Variants in SLCO1B3 observed in about 807,000 individuals in gnomAD.
The protein encoded by SLCO1B3 is solute carrier organic anion transporter family member 1B3.
A neutral mutation model predicts 71.8 loss-of-function variants in SLCO1B3; 72 were observed. The observed-to-expected ratio is 1.00, with a 90% CI of 0.83 to 1.22. SLCO1B3 has a LOEUF of 1.22. Ranked by LOEUF, SLCO1B3 falls within the 50% of genes most tolerant of loss-of-function variation. SLCO1B3 has a pLI of 0.00. For synonymous variants in SLCO1B3, 298 were observed against 278.4 expected, an observed-to-expected ratio of 1.07 and a Z score of -0.70; for missense variants, 911 against 819.7, an observed-to-expected ratio of 1.11 and a Z score of -1.36.
chr12:20,854,333 T>C (rs1865088162), intron 3 of SLCO1B3, among the ~76,000 whole-genome samples: 1 of 150,120 alleles, frequency 6.7e-6, no homozygotes, highest in African/African-American at 2.4e-5. Flanking sequence ...ACTGTCCATT[T>C]TTCCTTCAGT....
rs762283520 is a variant in SLCO1B3, at chr12:20,862,495, G to A, written c.565G>A (p.Val189Ile). 1.1e-5 allele frequency: 18 copies of A among 1,612,644 alleles called. 1 individual carries two copies. In the South Asian group the frequency reaches 1.8e-4, roughly 16 times the overall value. The change falls in exon 7 of 16, where the codon GTA (valine) becomes ATA (isoleucine). Residue 189 changes from valine to isoleucine, a missense_variant. Coordinates refer to ENST00000381545, the MANE Select transcript of SLCO1B3 (RefSeq NM_019844.4). ...TCGTGGCATAGGGGAAACCCCCATA[G>A]TACCATTGGGGATTTCATACATTGA... Reference protein sequence around the residue: ...MLRGIGETPIVPLGISYIDDF... With the variant: ...MLRGIGETPIIPLGISYIDDF...
At chr12:20,877,717 T>G in intron 9 of SLCO1B3, 55 bp from the exon 10 acceptor site, 4 of 768,256 alleles carry the variant, frequency 5.2e-6, no homozygotes, top group Non-Finnish European at 7.2e-6. Flanking sequence ...TTTACAAAAT[T>G]CAGATATTAA....
intron 9 of SLCO1B3, among the ~76,000 whole-genome samples, chr12:20,876,654 C>T (rs1014754398): frequency 6.6e-6 from 1 of 152,050 alleles, no homozygotes; most frequent in Admixed American, 6.6e-5. Flanking sequence ...CATGTATTAC[C>T]ATGGAAATTG....
At chr12:20,856,500 G>C (rs1865139995) in intron 4 of SLCO1B3, among the ~76,000 whole-genome samples, 1 of 152,160 alleles carries the variant, frequency 6.6e-6, no homozygotes, top group East Asian at 1.9e-4. Context: ...AAGTTATCTA[G>C]AGATGATATA....
At chr12:20,869,229 T>C (rs1431563683) in intron 8 of SLCO1B3, among the ~76,000 whole-genome samples, 1 of 152,154 alleles carries the variant, frequency 6.6e-6, no homozygotes. Flanking sequence ...CGCCTGGCAA[T>C]GGGCGTCTTC....
intron 4 of SLCO1B3, among the ~76,000 whole-genome samples, chr12:20,856,362 C>T (rs930675037): frequency 7.2e-5 from 11 of 151,948 alleles, no homozygotes; most frequent in African/African-American, 2.2e-4. Context: ...TCCACACCCA[C>T]GGATGCAAGT....
intron 3 of SLCO1B3, among the ~76,000 whole-genome samples, chr12:20,852,338 G>C (rs1865042456): frequency 1.3e-5 from 2 of 152,060 alleles, no homozygotes; most frequent in Admixed American, 6.6e-5. Flanking sequence ...AATTAGTTAG[G>C]CATAGTGGTG....
chr12:20,911,196 T>G (rs940179873), intron 15 of SLCO1B3, among the ~76,000 whole-genome samples: 3 of 152,194 alleles, frequency 2.0e-5, no homozygotes, highest in African/African-American at 7.2e-5. Flanking sequence ...TCTGCATCTA[T>G]TGATGTGATC....
At position 20,916,490 on chromosome 12, in the gene SLCO1B3, T is replaced by C. The variant is rs1866503180; in HGVS notation, c.*243T>C. 6.7e-6 allele frequency: 2 copies of C among 297,494 alleles called. No individual in the cohort carries two copies. The highest frequency in any genetic ancestry group is 9.1e-5 in the Admixed American group (2 of 21,872). The allele number at this position is 297,494 out of a possible 1,614,324, so 18.4% of individuals were successfully genotyped here. On this transcript the variant is annotated 3_prime_UTR_variant, in exon 16 of 16. Transcript: ENST00000381545. ...TGTGTGATACAATAAAAAGTAATTG[T>C]TTGGTAGTTGTAACTGCTAATAAAA...
rs1236258102 is a variant in SLCO1B3 at position 20,909,347 on chromosome 12, G to A, written c.1866-6657G>A. Among the ~76,000 whole-genome samples, 6 of 67,196 alleles carry A rather than the reference G, an allele frequency of 8.9e-5. No individual in the cohort carries two copies. The South Asian group carries it at 3.3e-3, about 36-fold the overall frequency. 44.1% of individuals were successfully genotyped at this position (67,196 alleles called of 152,430 possible). On this transcript the variant is annotated intron_variant, in intron 15 of 15. Transcript: ENST00000381545. ...CGCCTGGCTAATTTTTTTTTTTTTT[G>A]TATTTTTAGTAGAGACAGGGTTTCG...
At chr12:20,874,268 T>C (rs938336917) in intron 8 of SLCO1B3, among the ~76,000 whole-genome samples, 8 of 152,186 alleles carry the variant, frequency 5.3e-5, no homozygotes, top group African/African-American at 1.9e-4. Context: ...CATGCCAGTT[T>C]AAACTGCTAG....
chr12:20,888,953 G>T (rs982544057), intron 13 of SLCO1B3, among the ~76,000 whole-genome samples: 5 of 151,994 alleles, frequency 3.3e-5, no homozygotes, highest in African/African-American at 1.2e-4. Context: ...TTTATCATAC[G>T]CTTTTTGAAA....
chr12:20,823,863 T>C (rs1218320870), intron 3 of SLCO1B3, among the ~76,000 whole-genome samples: 2 of 152,308 alleles, frequency 1.3e-5, no homozygotes, highest in Middle Eastern at 3.4e-3. Flanking sequence ...GGATAAGATA[T>C]GGGGCTAGTT....
At chr12:20,843,295 A>G (rs1864840533) in intron 3 of SLCO1B3, among the ~76,000 whole-genome samples, 1 of 152,148 alleles carries the variant, frequency 6.6e-6, no homozygotes, top group South Asian at 2.1e-4. Context: ...ACCTTGTTTT[A>G]CAAATCTCAC....
chr12:20,841,752 A>G (rs1182274526), intron 3 of SLCO1B3, among the ~76,000 whole-genome samples: 1 of 152,128 alleles, frequency 6.6e-6, no homozygotes, highest in African/African-American at 2.4e-5. Flanking sequence ...AGTAGGCCTC[A>G]GCATCTATTG....
chr12:20,814,163 A>G (rs534478937), intron 2 of SLCO1B3, among the ~76,000 whole-genome samples: 1 of 152,312 alleles, frequency 6.6e-6, no homozygotes, highest in South Asian at 2.1e-4. Context: ...GCATATATGT[A>G]TGAACAAGAA....
At chr12:20,811,057 G>A (rs1864102315) in intron 1 of SLCO1B3, among the ~76,000 whole-genome samples, 1 of 152,118 alleles carries the variant, frequency 6.6e-6, no homozygotes. Context: ...CATGAAGTCT[G>A]AAAGGATGGA....
intron 3 of SLCO1B3, among the ~76,000 whole-genome samples, chr12:20,824,683 T>A (rs1342635976): frequency 6.6e-6 from 1 of 152,174 alleles, no homozygotes; most frequent in East Asian, 1.9e-4. Flanking sequence ...CACATTCACA[T>A]AAATATAATA....
Position 20,862,433 on chromosome 12 carries a change from C to G in SLCO1B3, c.503C>G (p.Ser168Ter). 6.2e-7 allele frequency: 1 copy of G among 1,612,368 alleles called. No homozygotes were observed. Among genetic ancestry groups the G allele is most frequent in the Non-Finnish European group, 8.5e-7 (1 of 1,179,256 alleles). ...ATAGATTGTGTAAAGGAATCTGGGT[C>G]ACACATGTGGATCTATGTCTTCATG... ...VEKDCVKESG[S>*]HMWIYVFMGN... Residue 168 changes from serine to a stop codon, truncating the protein, a stop_gained, in exon 7 of 16, where the codon TCA (serine) becomes TGA (stop). Transcript: ENST00000381545. LOFTEE classifies it high-confidence loss of function.
Sources: allele counts gnomAD v4.1 joint callset (sites outside exome capture counted in the v4.1 genomes callset), GRCh38; gene constraint gnomAD v4.1.1; transcripts MANE v1.5; gene names NCBI Gene and HGNC (gene_info 2026-07-23, HGNC 2026-07-21).